XPO7: variants seen among roughly 807,000 people sequenced by gnomAD.
XPO7 encodes exportin 7, also known as exportin-7.
A neutral mutation model predicts 144.3 loss-of-function variants in XPO7; 21 were observed. The ratio of observed to expected loss-of-function variants is 0.15; its 90% CI spans 0.10 to 0.21. XPO7 has a LOEUF of 0.21. Among genes scored for constraint, XPO7 ranks in the 10% least tolerant of loss-of-function variants. The probability of loss-of-function intolerance (pLI) is 1.00; values close to 1 mark genes in which losing one functional copy is unlikely to be tolerated. For missense variants in XPO7, 808 were observed against 1,325.8 expected, an observed-to-expected ratio of 0.61 and a Z score of 6.06; for synonymous variants, 580 against 499.6, an observed-to-expected ratio of 1.16 and a Z score of -2.15.
chr8:22,004,989 C>T lies in XPO7; in HGVS notation c.3171-6C>T. 1 of 1,587,196 alleles carries T rather than the reference C, an allele frequency of 6.3e-7. No individual in the cohort carries two copies. The highest frequency in any genetic ancestry group is 8.6e-7 in the Non-Finnish European group (1 of 1,161,322). The stretch of plus-strand genomic sequence containing the variant: ...CTCCCCCAACCCACATGCATCCTCT[C>T]TGCAGGTTCACCCAGAACCTGTCAG... On this transcript the variant is annotated splice_region_variant and splice_polypyrimidine_tract_variant and intron_variant, in intron 27 of 27. Coordinates refer to ENST00000252512, the MANE Select transcript of XPO7 (RefSeq NM_015024.5).
chr8:21,969,700 G>C (rs1811990454), intron 3 of XPO7, 124 bp downstream of exon 3: 1 of 1,002,566 alleles, frequency 1.0e-6, no homozygotes, highest in Admixed American at 2.7e-5. Flanking sequence ...AAAATGTCTA[G>C]AATCCAGTTC....
chr8:21,970,375 C>CACAA, intron 4 of XPO7, 65 bp downstream of exon 4: 1 of 1,349,428 alleles, frequency 7.4e-7, no homozygotes, highest in Non-Finnish European at 1.0e-6. Flanking sequence ...TATAAACACA[C>CACAA]ACACACACAC....
intron 1 of XPO7, among the ~76,000 whole-genome samples, chr8:21,925,583 A>G (rs1810433028): frequency 6.6e-6 from 1 of 152,186 alleles, no homozygotes. Context: ...TTGGTTGGTC[A>G]TAGGGAAAGG....
At chr8:21,923,591 G>A (rs1810364055) in intron 1 of XPO7, among the ~76,000 whole-genome samples, 1 of 152,110 alleles carries the variant, frequency 6.6e-6, no homozygotes, top group South Asian at 2.1e-4. Flanking sequence ...GTATATATAC[G>A]TGTGGGATCA....
At chr8:21,989,999 G>T (rs1287461830) in intron 16 of XPO7, among the ~76,000 whole-genome samples, 1 of 151,246 alleles carries the variant, frequency 6.6e-6, no homozygotes, top group Admixed American at 6.6e-5. Context: ...ACAGGCACCC[G>T]CCACCATGCC....
At chr8:22,003,175 C>A (rs749678851) in intron 25 of XPO7, 44 bp from the exon 26 acceptor site, 9 of 1,482,512 alleles carry the variant, frequency 6.1e-6, no homozygotes, top group Non-Finnish European at 8.3e-6. Context: ...TCTTGGGTAG[C>A]AATACATTAG....
At chr8:21,953,412 T>A (rs1003202697) in intron 1 of XPO7, among the ~76,000 whole-genome samples, 9 of 152,226 alleles carry the variant, frequency 5.9e-5, no homozygotes, top group African/African-American at 2.2e-4. Context: ...CTTAGCAGTA[T>A]GCATTTAAGT....
chr8:21,985,549 T>A, intron 12 of XPO7, 37 bp from the exon 13 acceptor site: 1 of 1,574,612 alleles, frequency 6.4e-7, no homozygotes. Context: ...CAAGAAACTA[T>A]CACTGGAGGT....
At chr8:21,974,504 C>T (rs1384928426) in intron 5 of XPO7, among the ~76,000 whole-genome samples, 166 bp from the exon 6 acceptor site, 1 of 152,124 alleles carries the variant, frequency 6.6e-6, no homozygotes, top group Non-Finnish European at 1.5e-5. Flanking sequence ...GTTTACTATC[C>T]TCCATCCTTT....
chr8:21,978,088 A>G (rs1201636715), intron 8 of XPO7, among the ~76,000 whole-genome samples: 1 of 152,152 alleles, frequency 6.6e-6, no homozygotes, highest in Non-Finnish European at 1.5e-5. Flanking sequence ...TTTGGGTCTC[A>G]TCGTGTATCT....
intron 1 of XPO7, among the ~76,000 whole-genome samples, chr8:21,947,478 A>G (rs9314269): frequency 0.36 from 54,698 of 152,072 alleles, 10,394 homozygotes; most frequent in Non-Finnish European, 0.43. Flanking sequence ...GTTTGCGTGA[A>G]TTGAAAATAA....
At chr8:21,992,086 T>C in intron 19 of XPO7, 112 bp downstream of exon 19, 1 of 723,130 alleles carries the variant, frequency 1.4e-6, no homozygotes, top group African/African-American at 1.8e-5. Flanking sequence ...TTTAATGTCT[T>C]GGACTTCTAG....
At chr8:21,990,439 C>T (rs770702214) in intron 17 of XPO7, 32 bp downstream of exon 17, 3 of 1,610,578 alleles carry the variant, frequency 1.9e-6, no homozygotes, top group East Asian at 4.5e-5. Flanking sequence ...TCCTGGCCCT[C>T]CTACCACCCA....
intron 12 of XPO7, 49 bp downstream of exon 12, chr8:21,984,888 C>A: frequency 6.3e-7 from 1 of 1,586,442 alleles, no homozygotes; most frequent in Non-Finnish European, 8.6e-7. Context: ...GAGATGTTGT[C>A]TAGTACCCCT....
At chr8:21,982,542 A>T (rs532462879) in intron 10 of XPO7, 98 bp from the exon 11 acceptor site, 317 of 1,282,736 alleles carry the variant, frequency 2.5e-4, no homozygotes, top group East Asian at 1.0e-3. Context: ...CTCTTTTTTT[A>T]AAAAAAAGAA....
At chr8:21,982,489 A>T in intron 10 of XPO7, 151 bp from the exon 11 acceptor site, 2 of 831,664 alleles carry the variant, frequency 2.4e-6, no homozygotes, top group Non-Finnish European at 3.5e-6. Context: ...TAAACACATT[A>T]AACTAGATGC....
intron 1 of XPO7, among the ~76,000 whole-genome samples, chr8:21,958,709 A>T (rs1439940110): frequency 0.091 from 2 of 22 alleles, no homozygotes; most frequent in Non-Finnish European, 0.17. Flanking sequence ...CTATAATCCC[A>T]AGTGCTTTGG....
intron 1 of XPO7, among the ~76,000 whole-genome samples, chr8:21,963,057 G>A (rs1222128267): frequency 2.0e-5 from 3 of 152,154 alleles, no homozygotes; most frequent in African/African-American, 4.8e-5. Flanking sequence ...GGGTGAAAGT[G>A]GCTTGGGTTT....
intron 13 of XPO7, among the ~76,000 whole-genome samples, chr8:21,986,082 T>A (rs944973061): frequency 2.0e-5 from 3 of 152,112 alleles, no homozygotes; most frequent in East Asian, 3.9e-4. Flanking sequence ...TCAAATCTCT[T>A]GGCCATACAT....
Sources: gnomAD v4.1 joint callset for allele counts (sites outside exome capture counted in the v4.1 genomes callset) on GRCh38, gnomAD v4.1.1 for gene constraint, MANE v1.5 for transcripts, NCBI Gene and HGNC (gene_info 2026-07-23, HGNC 2026-07-21) for gene names.